The following PACRG variants were observed in gnomAD, a reference collection of about 807,000 sequenced individuals.
PACRG encodes the protein parkin coregulated.
A neutral mutation model predicts 29.7 loss-of-function variants in PACRG; 29 were observed. The ratio of observed to expected loss-of-function variants is 0.98; its 90% CI spans 0.73 to 1.33. PACRG has a LOEUF of 1.33. PACRG is among the 40% of genes most tolerant of loss of function. The probability of loss-of-function intolerance (pLI) is 0.00; values close to 1 mark genes in which losing one functional copy is unlikely to be tolerated. For missense variants in PACRG, 279 were observed against 316.2 expected, an observed-to-expected ratio of 0.88 and a Z score of 0.89; for synonymous variants, 116 against 118.7, an observed-to-expected ratio of 0.98 and a Z score of 0.15.
chr6:163,095,398 G>A (rs1485361165), intron 4 of PACRG: 13 of 985,416 alleles, frequency 1.3e-5, no homozygotes, highest in African/African-American at 1.7e-5. Context: ...CTGGTAGGGC[G>A]ATGTCTAAAG....
chr6:163,101,132 C>G, intron 4 of PACRG: 8 of 983,290 alleles, frequency 8.1e-6, no homozygotes, highest in Non-Finnish European at 9.7e-6. Context: ...ATTTTGCATA[C>G]CAATTACAAC....
chr6:163,193,499 T>C (rs1256339254), intron 4 of PACRG, among the ~76,000 whole-genome samples: 1 of 152,176 alleles, frequency 6.6e-6, no homozygotes, highest in Non-Finnish European at 1.5e-5. Flanking sequence ...TCCCAGGGGC[T>C]GCCCGGCCAG....
intron 2 of PACRG, among the ~76,000 whole-genome samples, chr6:162,928,670 T>A (rs1407112499): frequency 6.6e-6 from 1 of 152,004 alleles, no homozygotes; most frequent in Non-Finnish European, 1.5e-5. Flanking sequence ...GATCGTTGTA[T>A]GCTATAGTCA....
chr6:162,803,392 G>T (rs1482258164), intron 1 of PACRG, among the ~76,000 whole-genome samples: 2 of 152,138 alleles, frequency 1.3e-5, no homozygotes, highest in Non-Finnish European at 2.9e-5. Context: ...ATGTCTTTGT[G>T]TAGTGTGTCA....
intron 2 of PACRG, among the ~76,000 whole-genome samples, chr6:162,850,991 G>T (rs1790809171): frequency 6.6e-6 from 1 of 152,220 alleles, no homozygotes; most frequent in Admixed American, 6.5e-5. Flanking sequence ...CACCCAGCTG[G>T]CATTTACTAC....
intron 2 of PACRG, among the ~76,000 whole-genome samples, chr6:162,899,919 G>C (rs1795435172): frequency 6.6e-6 from 1 of 152,136 alleles, no homozygotes; most frequent in Non-Finnish European, 1.5e-5. Flanking sequence ...AAGAGGGAAG[G>C]CCAGGACTCC....
chr6:163,244,305 G>A (rs1362167479), intron 4 of PACRG, among the ~76,000 whole-genome samples: 2 of 151,738 alleles, frequency 1.3e-5, no homozygotes, highest in East Asian at 1.9e-4. Flanking sequence ...GATTGATGAC[G>A]TGTTTCCGTG....
intron 2 of PACRG, among the ~76,000 whole-genome samples, chr6:162,965,661 A>G (rs1040601887): frequency 6.6e-6 from 1 of 152,212 alleles, no homozygotes; most frequent in Non-Finnish European, 1.5e-5. Flanking sequence ...CATTCAGACC[A>G]CTGGGCCTTG....
At chr6:163,014,601 T>C (rs1354319804) in intron 2 of PACRG, among the ~76,000 whole-genome samples, 2 of 152,134 alleles carry the variant, frequency 1.3e-5, no homozygotes, top group Non-Finnish European at 1.5e-5. Context: ...ATTTCTCTAA[T>C]AATTACTGAC....
intron 2 of PACRG, among the ~76,000 whole-genome samples, chr6:162,883,685 T>TGC: frequency 5.4e-5 from 1 of 18,612 alleles, no homozygotes; most frequent in Non-Finnish European, 1.1e-4. Context: ...TTTCAAAAAC[T>TGC]GTGTGTGTGT....
intron 2 of PACRG, among the ~76,000 whole-genome samples, chr6:162,932,901 T>G (rs1797954616): frequency 6.6e-6 from 1 of 151,946 alleles, no homozygotes; most frequent in Admixed American, 6.6e-5. Context: ...TTCTAAAAAT[T>G]TTGGGTTTAG....
intron 2 of PACRG, among the ~76,000 whole-genome samples, chr6:162,880,900 G>A (rs184106312): frequency 3.3e-5 from 5 of 152,352 alleles, no homozygotes; most frequent in African/African-American, 9.6e-5. Context: ...CGCCAGGGGT[G>A]CATCGTTCAG....
intron 2 of PACRG, among the ~76,000 whole-genome samples, chr6:162,837,618 G>A (rs1789344151): frequency 1.3e-5 from 2 of 152,090 alleles, no homozygotes; most frequent in South Asian, 4.1e-4. Flanking sequence ...AACAAGCAAG[G>A]AAATCAAATG....
At chr6:162,978,964 A>T (rs999323465) in intron 2 of PACRG, among the ~76,000 whole-genome samples, 5 of 152,088 alleles carry the variant, frequency 3.3e-5, no homozygotes, top group Non-Finnish European at 7.4e-5. Flanking sequence ...AATTGCATAG[A>T]ATTGTATAGG....
rs574119923 is a variant in PACRG at position 162,971,544 on chromosome 6, G to A, written c.292-90606G>A. Among the ~76,000 whole-genome samples the A allele has an allele frequency of 6.6e-5, 10 of 152,282 alleles. No individual in the cohort carries two copies. The East Asian group carries it at 1.9e-3, about 29-fold the overall frequency. ...CCACTGCAGAGTCAGAGATCCCAGTGCCCTCATCATCGCCTCTTCTAGGAT... is the reference window on the plus strand; with the variant it reads ...CCACTGCAGAGTCAGAGATCCCAGTACCCTCATCATCGCCTCTTCTAGGAT... On this transcript the variant is annotated intron_variant, in intron 2 of 4. Transcript: ENST00000366888.
intron 1 of PACRG, among the ~76,000 whole-genome samples, chr6:162,806,402 A>T (rs1354371531): frequency 2.7e-5 from 4 of 149,360 alleles, no homozygotes; most frequent in African/African-American, 4.9e-5. Context: ...GAGCCACCAC[A>T]CCTGGCCTAA....
intron 4 of PACRG, among the ~76,000 whole-genome samples, chr6:163,153,348 G>A (rs1778178837): frequency 6.6e-6 from 1 of 152,196 alleles, no homozygotes; most frequent in Non-Finnish European, 1.5e-5. Context: ...AGCATTTTCA[G>A]TGCTTCTGTT....
At position 162,895,072 on chromosome 6, in the gene PACRG, G is replaced by A. The variant is rs376421518; in HGVS notation, c.291+80791G>A. Among the ~76,000 whole-genome samples the A allele has an allele frequency of 3.3e-5, 5 of 151,728 alleles. No individual in the cohort carries two copies. The East Asian group carries it at 9.7e-4, about 29-fold the overall frequency. ...ATAAAATACAACTTCACCTGCCTGG[G>A]CAACATGGTGAGATCCCCGTCTCTA... On this transcript the variant is annotated intron_variant, in intron 2 of 4. Transcript: ENST00000366888.
chr6:162,744,972 G>A (rs1487762151), intron 1 of PACRG, among the ~76,000 whole-genome samples: 1 of 151,874 alleles, frequency 6.6e-6, no homozygotes, highest in Non-Finnish European at 1.5e-5. Context: ...CTGACAATAG[G>A]TAACAATATT....
Sources: allele counts gnomAD v4.1 joint callset (sites outside exome capture counted in the v4.1 genomes callset), GRCh38; gene constraint gnomAD v4.1.1; transcripts MANE v1.5; gene names NCBI Gene and HGNC (gene_info 2026-07-23, HGNC 2026-07-21).